LRP6: variants seen among roughly 807,000 people sequenced by gnomAD.
The protein encoded by LRP6 is LDL receptor related protein 6.
In LRP6, 43 loss-of-function variants were observed where a neutral mutation model predicts 184.1. The observed-to-expected ratio is 0.23, with a 90% confidence interval of 0.18 to 0.30. The LOEUF is 0.30. Ranked by LOEUF, LRP6 falls within the 10% of genes least tolerant of loss-of-function variation. LRP6 has a pLI of 1.00. For synonymous variants in LRP6, 719 were observed against 684.9 expected, an observed-to-expected ratio of 1.05 and a Z score of -0.78; for missense variants, 1,571 against 2,005.3, an observed-to-expected ratio of 0.78 and a Z score of 4.14.
chr12:12,159,218 T>G, intron 11 of LRP6, 63 bp from the exon 12 acceptor site: 1 of 1,260,524 alleles, frequency 7.9e-7, no homozygotes, highest in Non-Finnish European at 1.2e-6. Flanking sequence ...AGAATACAAG[T>G]GTCTTGCTGG....
chr12:12,196,045 G>GTA (rs1466536807), intron 3 of LRP6, among the ~76,000 whole-genome samples: 2 of 151,986 alleles, frequency 1.3e-5, no homozygotes, highest in Non-Finnish European at 2.9e-5. Context: ...TTCCATCGGT[G>GTA]TATGTTTCTG....
chr12:12,145,400 A>G (rs1195475380), intron 15 of LRP6, among the ~76,000 whole-genome samples: 1 of 152,154 alleles, frequency 6.6e-6, no homozygotes, highest in African/African-American at 2.4e-5. Context: ...ATGATACAGG[A>G]GTAAGCAGTC....
chr12:12,120,693 C>G lies in LRP6; in HGVS notation c.*433G>C, dbSNP rs1410466449. 1 of 153,870 alleles carries G rather than the reference C, an allele frequency of 6.5e-6. No homozygotes were observed. Among genetic ancestry groups the G allele is most frequent in the Non-Finnish European group, 1.4e-5 (1 of 69,016 alleles). The allele number at this position is 153,870 out of a possible 1,614,324, so 9.5% of individuals were successfully genotyped here. On this transcript the variant is annotated 3_prime_UTR_variant, in exon 23 of 23. Coordinates refer to ENST00000261349, the MANE Select transcript of LRP6 (RefSeq NM_002336.3). ...TAACTGAAGGCTATCTGGCTACATC[C>G]ATGTATCTATGGTTTGCTGCTCTGA... is the stretch of plus-strand genomic sequence containing the variant.
At chr12:12,253,142 T>C (rs1591989263) in intron 1 of LRP6, among the ~76,000 whole-genome samples, 2 of 152,300 alleles carry the variant, frequency 1.3e-5, no homozygotes, top group South Asian at 4.1e-4. Flanking sequence ...CGCGTGCCTG[T>C]AATCCCAGCT....
In LRP6 at chr12:12,202,072, C is replaced by G. The variant is rs1167043480; in HGVS notation, c.647+1131G>C. On this transcript the variant is annotated intron_variant, in intron 3 of 22. Transcript: ENST00000261349. Reference sequence around the variant, plus strand: ...AAAAACCAAAATTATCATTAAAACACAAGAATCCAAATATAAAATGTCTTT... The same window carrying G: ...AAAAACCAAAATTATCATTAAAACAGAAGAATCCAAATATAAAATGTCTTT... Among the ~76,000 whole-genome samples the G allele has an allele frequency of 2.0e-5, 3 of 152,288 alleles. No homozygotes were observed. In the East Asian group the frequency reaches 5.8e-4, roughly 29 times the overall value.
intron 1 of LRP6, among the ~76,000 whole-genome samples, 172 bp downstream of exon 1, chr12:12,266,509 T>C (rs1460520901): frequency 6.6e-6 from 1 of 151,912 alleles, no homozygotes. Context: ...GGCCGGGCGG[T>C]GCACGCAGCC....
chr12:12,246,422 G>GT (rs890072393), intron 1 of LRP6, among the ~76,000 whole-genome samples: 1 of 151,642 alleles, frequency 6.6e-6, no homozygotes, highest in African/African-American at 2.4e-5. Flanking sequence ...GGCAGCAAAA[G>GT]TAAGACCAAG....
intron 15 of LRP6, among the ~76,000 whole-genome samples, chr12:12,144,545 G>A (rs1949976014): frequency 6.6e-6 from 1 of 152,188 alleles, no homozygotes. Context: ...GGAAGCTGAG[G>A]CAGGAGGACT....
At chr12:12,164,173 G>A in intron 9 of LRP6, 100 bp downstream of exon 9, 1 of 1,072,548 alleles carries the variant, frequency 9.3e-7, no homozygotes, top group Non-Finnish European at 1.4e-6. Flanking sequence ...AACTCTGCCT[G>A]TCAAACAATG....
At chr12:12,166,716 TTTCTC>T (rs1327191354) in intron 7 of LRP6, among the ~76,000 whole-genome samples, 1 of 152,252 alleles carries the variant, frequency 6.6e-6, no homozygotes, top group Non-Finnish European at 1.5e-5. Context: ...AACAAAATCT[TTTCTC>T]TTTCAGCTAT....
At chr12:12,204,957 G>A (rs755186384) in intron 2 of LRP6, among the ~76,000 whole-genome samples, 6 of 150,388 alleles carry the variant, frequency 4.0e-5, no homozygotes, top group East Asian at 2.0e-4. Flanking sequence ...ACAAGACTCC[G>A]TCTCAAAAAA....
intron 1 of LRP6, among the ~76,000 whole-genome samples, chr12:12,253,081 T>C (rs897621451): frequency 1.3e-5 from 2 of 152,152 alleles, no homozygotes; most frequent in East Asian, 1.9e-4. Flanking sequence ...CTGGCCAACA[T>C]GGCGAAACCC....
At chr12:12,215,039 G>C (rs1864304452) in intron 2 of LRP6, among the ~76,000 whole-genome samples, 1 of 152,146 alleles carries the variant, frequency 6.6e-6, no homozygotes, top group Non-Finnish European at 1.5e-5. Flanking sequence ...GAGATGGTTT[G>C]AGACTGAGTT....
At chr12:12,242,596 A>G (rs1865094375) in intron 2 of LRP6, among the ~76,000 whole-genome samples, 1 of 152,340 alleles carries the variant, frequency 6.6e-6, no homozygotes. Context: ...TTTCTCAAAA[A>G]TATCTATAAA....
rs1278512318 is a variant in LRP6, at chr12:12,116,237, C to G, written c.*4889G>C. On this transcript the variant is annotated 3_prime_UTR_variant, in exon 23 of 23. Coordinates refer to ENST00000261349, the MANE Select transcript of LRP6 (RefSeq NM_002336.3). Reference sequence around the variant, plus strand: ...ACATAAATACATCCTTGCAAAGCACCATCGTACCAAAGTCAATGAACAAGA... The same window carrying G: ...ACATAAATACATCCTTGCAAAGCACGATCGTACCAAAGTCAATGAACAAGA... The G allele has an allele frequency of 2.6e-5, 4 of 152,060 alleles. No individual in the cohort carries two copies. Among genetic ancestry groups the G allele is most frequent in the Non-Finnish European group, 5.9e-5 (4 of 68,016 alleles). The allele number at this position is 152,060 out of a possible 1,614,324, so 9.4% of individuals were successfully genotyped here.
chr12:12,231,290 G>A (rs547029576), intron 2 of LRP6, among the ~76,000 whole-genome samples: 1 of 144,962 alleles, frequency 6.9e-6, no homozygotes, highest in African/African-American at 2.5e-5. Flanking sequence ...CCAATGACAA[G>A]CCAGAGAAGA....
chr12:12,170,349 T>A (rs561439171), intron 7 of LRP6, among the ~76,000 whole-genome samples: 1 of 152,072 alleles, frequency 6.6e-6, no homozygotes, highest in African/African-American at 2.4e-5. Context: ...TATAAAACAG[T>A]AGACAGAATT....
intron 2 of LRP6, among the ~76,000 whole-genome samples, chr12:12,215,013 G>A (rs1020058782): frequency 1.3e-5 from 2 of 152,086 alleles, no homozygotes; most frequent in Non-Finnish European, 2.9e-5. Context: ...TGAACCCTTC[G>A]TTTTAGTCAC....
At chr12:12,218,333 C>T (rs1864400799) in intron 2 of LRP6, among the ~76,000 whole-genome samples, 1 of 151,858 alleles carries the variant, frequency 6.6e-6, no homozygotes, top group South Asian at 2.1e-4. Context: ...AAAAATTTGC[C>T]TGGTGTGGTG....
Sources: gnomAD v4.1 joint callset for allele counts (sites outside exome capture counted in the v4.1 genomes callset) on GRCh38, gnomAD v4.1.1 for gene constraint, MANE v1.5 for transcripts, NCBI Gene and HGNC (gene_info 2026-07-23, HGNC 2026-07-21) for gene names.